Variants in MED12L observed in about 807,000 individuals in gnomAD.
MED12L encodes mediator complex subunit 12L.
Under a neutral mutation model 281.3 loss-of-function variants are expected in MED12L, and 60 were observed. The observed-to-expected ratio is 0.21, with a 90% CI of 0.17 to 0.26. The LOEUF (loss-of-function observed/expected upper bound fraction) is 0.26. Ranked by LOEUF, MED12L falls within the 10% of genes least tolerant of loss-of-function variation. MED12L has a pLI of 1.00. For synonymous variants in MED12L, 974 were observed against 987.2 expected (o/e 0.99, Z 0.25); for missense variants, 2,146 against 2,680.9 (o/e 0.80, Z 4.41).
chr3:151,369,565 C>G lies in MED12L; in HGVS notation c.3664+16C>G. ...ATGATGCTTGGTAAGATTATTCTGACCCTAAGCTTCTTGGTTAATCACCAG... is the reference window on the plus strand; with the variant it reads ...ATGATGCTTGGTAAGATTATTCTGAGCCTAAGCTTCTTGGTTAATCACCAG... On this transcript the variant is annotated intron_variant, in intron 26 of 44. Coordinates refer to ENST00000687756, the MANE Select transcript of MED12L (RefSeq NM_001393769.1). The G allele has an allele frequency of 6.6e-7, 1 of 1,506,622 alleles. No homozygotes were observed. 93.3% of individuals were successfully genotyped at this position (1,506,622 alleles called of 1,614,324 possible).
chr3:151,300,110 G>A, intron 16 of MED12L: 2 of 1,599,028 alleles, frequency 1.3e-6, no homozygotes, highest in Non-Finnish European at 1.7e-6. Context: ...TTCTTCAGTT[G>A]TGATGCACTG....
intron 38 of MED12L, among the ~76,000 whole-genome samples, chr3:151,392,681 C>T (rs939068277): frequency 1.3e-4 from 19 of 151,952 alleles, no homozygotes; most frequent in African/African-American, 4.6e-4. Context: ...ATGTATCTTT[C>T]CTAATCTTTC....
chr3:151,309,098 A>T (rs1356059964), intron 16 of MED12L, among the ~76,000 whole-genome samples: 1 of 148,022 alleles, frequency 6.8e-6, no homozygotes, highest in Non-Finnish European at 1.5e-5. Flanking sequence ...GATCACATAT[A>T]ACTCATTTCA....
At chr3:151,300,145 C>CA (rs1406623078) in intron 16 of MED12L, 2 of 1,428,156 alleles carry the variant, frequency 1.4e-6, no homozygotes, top group Admixed American at 3.3e-5. Flanking sequence ...TGTCAGGAAA[C>CA]ACTTGGGGAC....
chr3:151,348,314 G>A (rs371269816), intron 16 of MED12L, among the ~76,000 whole-genome samples: 24 of 127,542 alleles, frequency 1.9e-4, no homozygotes, highest in African/African-American at 6.9e-4. Flanking sequence ...CCTTCCTAGG[G>A]TTCATATGTA....
At chr3:151,259,361 A>G (rs1559950409) in intron 16 of MED12L, among the ~76,000 whole-genome samples, 1 of 152,206 alleles carries the variant, frequency 6.6e-6, no homozygotes, top group Non-Finnish European at 1.5e-5. Context: ...AACCCCAGGA[A>G]ATACTTTCAG....
At chr3:151,350,665 T>A (rs1753113920) in intron 17 of MED12L, among the ~76,000 whole-genome samples, 1 of 152,160 alleles carries the variant, frequency 6.6e-6, no homozygotes, top group Non-Finnish European at 1.5e-5. Context: ...TGACAGCATA[T>A]TTGCTCACCT....
At chr3:151,282,764 C>T (rs556542768) in intron 16 of MED12L, among the ~76,000 whole-genome samples, 20 of 152,284 alleles carry the variant, frequency 1.3e-4, no homozygotes, top group Admixed American at 1.3e-3. Flanking sequence ...AAATGTCACG[C>T]TCAGGACTTC....
Position 151,205,383 on chromosome 3 carries a change from T to C in MED12L, c.2250+11717T>C, listed in dbSNP as rs1271871576. ...TAAAGCTAAATTGTCCACCAAGTTA[T>C]GAATTGAGAAAGAAAATATTTTCTG... is the stretch of plus-strand genomic sequence containing the variant. On this transcript the variant is annotated intron_variant, in intron 16 of 44. Transcript: ENST00000687756. 5.3e-5 allele frequency among the ~76,000 whole-genome samples: 8 copies of C among 152,370 alleles called. No individual in the cohort carries two copies. The East Asian group carries it at 1.5e-3, about 29-fold the overall frequency.
intron 2 of MED12L, among the ~76,000 whole-genome samples, chr3:151,105,191 A>G (rs1721850489): frequency 6.6e-6 from 1 of 152,014 alleles, no homozygotes; most frequent in Non-Finnish European, 1.5e-5. Context: ...TTTTCTCAGG[A>G]GCTTGAACTT....
intron 21 of MED12L, among the ~76,000 whole-genome samples, chr3:151,362,596 A>G (rs1754749530): frequency 6.6e-6 from 1 of 152,032 alleles, no homozygotes; most frequent in Non-Finnish European, 1.5e-5. Context: ...TAGATTCTAT[A>G]TTTATTTATG....
intron 2 of MED12L, among the ~76,000 whole-genome samples, chr3:151,112,830 A>T (rs1008312724): frequency 2.0e-5 from 3 of 152,222 alleles, no homozygotes; most frequent in Non-Finnish European, 2.9e-5. Context: ...CTCCAAATTC[A>T]TGAGGTAGTG....
At chr3:151,174,671 A>G (rs1189072835) in intron 11 of MED12L, among the ~76,000 whole-genome samples, 1 of 152,104 alleles carries the variant, frequency 6.6e-6, no homozygotes, top group Non-Finnish European at 1.5e-5. Flanking sequence ...CACCTCAAAT[A>G]TCTTTTGGAA....
chr3:151,120,686 A>G (rs770037256), intron 3 of MED12L, among the ~76,000 whole-genome samples: 2 of 152,266 alleles, frequency 1.3e-5, no homozygotes, highest in African/African-American at 2.4e-5. Flanking sequence ...GGAAGGACAC[A>G]TAAGAAATGA....
rs1720209168 is a variant in MED12L at position 151,436,367 on chromosome 3, T to G, written c.*3563T>G. 4.5e-6 allele frequency: 1 copy of G among 224,008 alleles called. No individual in the cohort carries two copies. Among genetic ancestry groups the G allele is most frequent in the African/African-American group, 2.3e-5 (1 of 42,700 alleles). 13.9% of individuals were successfully genotyped at this position (224,008 alleles called of 1,614,324 possible). On this transcript the variant is annotated 3_prime_UTR_variant, in exon 45 of 45. Transcript: ENST00000687756. The stretch of plus-strand genomic sequence containing the variant: ...GAGGTGGACACTAGGCAACTGGTAT[T>G]AGAAGTTCATTTTTTTACTGAAAAA...
intron 16 of MED12L, among the ~76,000 whole-genome samples, chr3:151,271,049 T>C (rs966698078): frequency 6.6e-6 from 1 of 152,100 alleles, no homozygotes; most frequent in Non-Finnish European, 1.5e-5. Context: ...TTTAAAACTT[T>C]CATTTTTTTT....
Position 151,139,840 on chromosome 3 carries a change from G to A in MED12L, c.556+11856G>A, listed in dbSNP as rs55905225. Among the ~76,000 whole-genome samples the A allele has an allele frequency of 9.7e-3, 1,477 of 152,304 alleles. 28 individuals are homozygous for A. Among genetic ancestry groups the A allele is most frequent in the African/African-American group, 0.034 (1,403 of 41,568 alleles). ...TTGAGGAGTTTATGGACAATAGGCTGTTGTGTTCACAATAAATCATATAGA... is the reference window on the plus strand; with the variant it reads ...TTGAGGAGTTTATGGACAATAGGCTATTGTGTTCACAATAAATCATATAGA... On this transcript the variant is annotated intron_variant, in intron 5 of 44. Transcript: ENST00000687756.
chr3:151,212,026 A>G (rs1727253950), intron 16 of MED12L: 1 of 152,224 alleles, frequency 6.6e-6, no homozygotes, highest in African/African-American at 2.4e-5. Flanking sequence ...ATTAGCATGC[A>G]TAATTGAGCA....
chr3:151,127,925 A>G lies in MED12L; in HGVS notation c.497A>G (p.Tyr166Cys). The G allele has an allele frequency of 2.5e-6, 4 of 1,614,128 alleles. No homozygotes were observed. Among genetic ancestry groups the G allele is most frequent in the Non-Finnish European group, 3.4e-6 (4 of 1,179,982 alleles). Reference protein sequence around the residue: ...ATWLIKMTCAYYSAISEAKIK... With the variant: ...ATWLIKMTCACYSAISEAKIK... ...TGGCTGATCAAGATGACTTGTGCCT[A>G]TTATTCTGCTATATCTGAAGCTAAA... Residue 166 changes from tyrosine (Y) to cysteine (C), a missense_variant, in exon 5 of 45, where the codon TAT becomes TGT. Transcript: ENST00000687756.
Sources: allele counts gnomAD v4.1 joint callset (sites outside exome capture counted in the v4.1 genomes callset), GRCh38; gene constraint gnomAD v4.1.1; transcripts MANE v1.5; gene names NCBI Gene and HGNC (gene_info 2026-07-23, HGNC 2026-07-21).